Variants in CAPN12 observed in about 807,000 individuals in gnomAD.
The protein encoded by CAPN12 is calpain-12.
In CAPN12, 107 loss-of-function variants were observed where a neutral mutation model predicts 95.0. The ratio of observed to expected loss-of-function variants is 1.13; its 90% CI spans 0.96 to 1.32. The LOEUF (loss-of-function observed/expected upper bound fraction) is 1.32, where lower values mean the gene tolerates loss of function less well. Ranked by LOEUF, CAPN12 falls within the 40% of genes most tolerant of loss-of-function variation. The pLI, the probability that CAPN12 is intolerant of heterozygous loss-of-function variation, is 0.00. For synonymous variants in CAPN12, 505 were observed against 415.5 expected (o/e 1.22, Z -2.62); for missense variants, 1,136 against 997.8 (o/e 1.14, Z -1.87).
chr19:38,731,331 C>G (rs1969589229), intron 18 of CAPN12, 108 bp from the exon 19 acceptor site: 1 of 818,762 alleles, frequency 1.2e-6, no homozygotes, highest in Admixed American at 1.9e-5. Context: ...GGGTGTCACA[C>G]CCCAACTCTG....
chr19:38,731,851 CAAGT>C lies in CAPN12; in HGVS notation c.1958-632_1958-629del, dbSNP rs967525988. Among the ~76,000 whole-genome samples, 83 of 152,362 alleles carry C rather than the reference CAAGT, an allele frequency of 5.4e-4. 1 individual carries two copies. Among genetic ancestry groups the C allele is most frequent in the Admixed American group, 1.0e-3 (16 of 15,306 alleles). ...GTTCATTCTCTTCACAAATATCTAC[CAAGT>C]AAGTGCCATTTCATGCTGTGCCCAG... On this transcript the variant is annotated intron_variant, in intron 18 of 20. Transcript: ENST00000328867.
rs34488364 is a variant in CAPN12 at position 38,738,228 on chromosome 19, G to GCA, written c.965+43_965+44dup. Reference sequence around the variant, plus strand: ...GGGCTCGCCCTCCCTGAACCCCTTGGCAGAGACCCTCCCAGAGGCAGAGCT... The same window carrying GCA: ...GGGCTCGCCCTCCCTGAACCCCTTGGCACAGAGACCCTCCCAGAGGCAGAGCT... On this transcript the variant is annotated intron_variant, in intron 8 of 20. Coordinates refer to ENST00000328867, the MANE Select transcript of CAPN12 (RefSeq NM_144691.4). 0.74 allele frequency: 1,194,253 copies of GCA among 1,604,800 alleles called. 447,538 individuals carry two copies. The highest frequency in any genetic ancestry group is 0.85 in the South Asian group (76,881 of 90,638).
At chr19:38,738,890 G>C (rs1970381721) in intron 5 of CAPN12, 3 of 552,984 alleles carry the variant, frequency 5.4e-6, no homozygotes, top group African/African-American at 1.9e-5. Flanking sequence ...CCAGCACTTA[G>C]GGAGGTCGAG....
intron 15 of CAPN12, 109 bp downstream of exon 15, chr19:38,734,704 G>T: frequency 9.8e-7 from 1 of 1,023,556 alleles, no homozygotes; most frequent in Non-Finnish European, 1.4e-6. Flanking sequence ...GGCTTCCTGA[G>T]CCCAACTCCC....
At chr19:38,743,843 C>T in intron 1 of CAPN12, 86 bp downstream of exon 1, 1 of 1,339,774 alleles carries the variant, frequency 7.5e-7, no homozygotes, top group South Asian at 1.3e-5. Context: ...TCCAGGCCCC[C>T]AGCCTTCCTT....
At chr19:38,737,976 T>C (rs1970317593) in intron 8 of CAPN12, among the ~76,000 whole-genome samples, 1 of 152,068 alleles carries the variant, frequency 6.6e-6, no homozygotes, top group Admixed American at 6.6e-5. Flanking sequence ...GCCCCAAATA[T>C]CACCAAGCCT....
Position 38,737,175 on chromosome 19 carries a change from A to G in CAPN12, c.1343T>C (p.Val448Ala), listed in dbSNP as rs1189170796. The G allele has an allele frequency of 3.2e-6, 5 of 1,545,522 alleles. No homozygotes were observed. The highest frequency in any genetic ancestry group is 2.8e-5 in the African/African-American group (2 of 72,340). ...CCTCACCTGGAACACGTGGAAGCCA[A>G]CGGTGAGGTAAGTGAGGCCCTTGGC... ...LRAKGLTYLT[V>A]GFHVFQIPEE... Residue 448 changes from valine (V) to alanine (A), a missense_variant, in exon 10 of 21, where the codon GTT becomes GCT. Val to Ala is a moderately conservative substitution (Grantham distance 64, BLOSUM62 0). Coordinates refer to ENST00000328867, the MANE Select transcript of CAPN12 (RefSeq NM_144691.4).
intron 4 of CAPN12, among the ~76,000 whole-genome samples, chr19:38,741,421 A>C (rs1396740408): frequency 6.6e-6 from 1 of 151,986 alleles, no homozygotes; most frequent in Non-Finnish European, 1.5e-5. Context: ...AAAAATATAA[A>C]AATTAGCCAG....
At chr19:38,740,280 C>G (rs1367460476) in intron 4 of CAPN12, 61 bp from the exon 5 acceptor site, 19 of 1,458,520 alleles carry the variant, frequency 1.3e-5, no homozygotes, top group Admixed American at 2.3e-5. Context: ...GCACCCCTGC[C>G]CTGGGATCTG....
chr19:38,742,213 C>G lies in CAPN12; in HGVS notation c.426+197G>C. On this transcript the variant is annotated intron_variant, in intron 3 of 20. Transcript: ENST00000328867. ...TGATGGCGGGTGCCTGTAATCCCAG[C>G]TACTCAGGAGGCTGAGGCAGAGAAT... 1.3e-5 allele frequency: 8 copies of G among 623,818 alleles called. No homozygotes were observed. In the South Asian group the frequency reaches 1.4e-4, roughly 11 times the overall value. The allele number at this position is 623,818 out of a possible 1,614,324, so 38.6% of individuals were successfully genotyped here.
In CAPN12 at chr19:38,741,767, G is replaced by A; in HGVS notation, c.560+10C>T. 6.2e-7 allele frequency: 1 copy of A among 1,613,726 alleles called. No homozygotes were observed. ...TTAGGGCTGCAGCTGGTTGGAACTG[G>A]GGTCCTCACTTGGCGTAGGCCTTCT... On this transcript the variant is annotated intron_variant, in intron 4 of 20. Transcript: ENST00000328867.
rs866149603 is a variant in CAPN12, at chr19:38,736,194, T to A, written c.1499A>T (p.Tyr500Phe). The A allele has an allele frequency of 6.6e-7, 1 of 1,511,578 alleles. No individual in the cohort carries two copies. Among genetic ancestry groups the A allele is most frequent in the Middle Eastern group, 1.9e-4 (1 of 5,176 alleles). The allele number at this position is 1,511,578 out of a possible 1,614,324, so 93.6% of individuals were successfully genotyped here. A position where few individuals can be genotyped will look rare whatever the true frequency, so the allele number is the denominator to read the frequency against. Residue 500 changes from tyrosine to phenylalanine, a missense_variant, in exon 12 of 21, where the codon TAC becomes TTC. Physicochemically the swap from Tyr to Phe is conservative, Grantham distance 22. Transcript: ENST00000328867. Reference sequence around the variant, plus strand: ...GTGGGCGGTGCTCGGCACCACCAGGTAGTGGCCTGGACGCAGGCAGCAGCG... The same window carrying A: ...GTGGGCGGTGCTCGGCACCACCAGGAAGTGGCCTGGACGCAGGCAGCAGCG... The part of the protein sequence containing the change: ...TRRCCLRPGH[Y>F]LVVPSTAHAG...
At position 38,738,467 on chromosome 19, in the gene CAPN12, G is replaced by T. The variant is rs761637874; in HGVS notation, c.841C>A (p.Leu281Met). ...LGFTKVRLLR[L>M]RNPWGCVEWT... is the part of the protein sequence containing the mutation. ...TCCACGCAGCCCCATGGGTTCCGCA[G>T]CCGCAGCAGCCGCACCTTGGTGAAG... The change falls in exon 7 of 21, where the codon CTG (leucine) becomes ATG (methionine). Residue 281 changes from leucine to methionine, a missense_variant. Physicochemically the swap from Leu to Met is conservative, Grantham distance 15. Coordinates refer to ENST00000328867, the MANE Select transcript of CAPN12 (RefSeq NM_144691.4). The T allele has an allele frequency of 5.6e-6, 9 of 1,609,972 alleles. No homozygotes were observed. Among genetic ancestry groups the T allele is most frequent in the Middle Eastern group, 1.7e-4 (1 of 6,010 alleles).
chr19:38,739,535 CAAAAGA>C (rs1490920197), intron 5 of CAPN12: 4 of 145,750 alleles, frequency 2.7e-5, no homozygotes, highest in African/African-American at 7.7e-5. Context: ...GAAACAGACA[CAAAAGA>C]AAAAGAGAAG....
In CAPN12 at chr19:38,730,590, G is replaced by C. The variant is rs1165519137; in HGVS notation, c.*262C>G. Reference sequence around the variant, plus strand: ...TGTCTGTCCTCCACCTTCTAGGAGAGCCAGGGCAGAGCTAGCACTGTCTTA... The same window carrying C: ...TGTCTGTCCTCCACCTTCTAGGAGACCCAGGGCAGAGCTAGCACTGTCTTA... On this transcript the variant is annotated 3_prime_UTR_variant, in exon 21 of 21. Coordinates refer to ENST00000328867, the MANE Select transcript of CAPN12 (RefSeq NM_144691.4). 5.3e-6 allele frequency: 3 copies of C among 568,584 alleles called. No homozygotes were observed. The East Asian group carries it at 8.6e-5, about 16-fold the overall frequency. 35.2% of individuals were successfully genotyped at this position (568,584 alleles called of 1,614,324 possible). A position where few individuals can be genotyped will look rare whatever the true frequency, so the allele number is the denominator to read the frequency against.
In CAPN12 at chr19:38,737,514, CCCAGCGGCCTTGGAAGGTGTGGACGTG is replaced by C. The variant is rs1310310222; in HGVS notation, c.1063_1089del (p.His355_Trp363del). ...CTCCCGCCGGAGTTGAAGCCACGCA[CCCAGCGGCCTTGGAAGGTGTGGACGTG>C]CCAGCCGCCCCCCTCCGGGCTGGGG... On this transcript the variant is annotated inframe_deletion, in exon 9 of 21. Transcript: ENST00000328867. 6.2e-7 allele frequency: 1 copy of C among 1,612,590 alleles called. No individual in the cohort carries two copies. Among genetic ancestry groups the C allele is most frequent in the African/African-American group, 1.3e-5 (1 of 74,924 alleles).
In CAPN12 at chr19:38,735,135, G is replaced by A. The variant is rs541339994; in HGVS notation, c.1686+235C>T. On this transcript the variant is annotated intron_variant, in intron 14 of 20. Transcript: ENST00000328867. The stretch of plus-strand genomic sequence containing the variant: ...GCTGGGCACCTTAGATGAGACCTGA[G>A]CCTGGCTGGAGGTGTCAGGAGGGAG... 2.2e-5 allele frequency: 13 copies of A among 602,658 alleles called. No homozygotes were observed. In the African/African-American group the frequency reaches 2.4e-4, roughly 11 times the overall value. 37.3% of individuals were successfully genotyped at this position (602,658 alleles called of 1,614,324 possible).
intron 15 of CAPN12, 178 bp from the exon 16 acceptor site, chr19:38,734,567 G>A: frequency 3.0e-6 from 2 of 671,080 alleles, no homozygotes; most frequent in Non-Finnish European, 2.5e-6. Context: ...ATCCAGGCAG[G>A]GGGTGCCCAG....
intron 11 of CAPN12, 32 bp from the exon 12 acceptor site, chr19:38,736,350 G>T: frequency 6.8e-7 from 1 of 1,461,090 alleles, no homozygotes; most frequent in Non-Finnish European, 9.1e-7. Flanking sequence ...CACGGACCAG[G>T]CTCACCCCCG....
Sources: gnomAD v4.1 joint callset for allele counts (sites outside exome capture counted in the v4.1 genomes callset) on GRCh38, gnomAD v4.1.1 for gene constraint, MANE v1.5 for transcripts, NCBI Gene and HGNC (gene_info 2026-07-23, HGNC 2026-07-21) for gene names.